Variants in MGAT4C observed in about 807,000 individuals in gnomAD.
MGAT4C encodes alpha-1,3-mannosyl-glycoprotein 4-beta-N-acetylglucosaminyltransferase C.
In MGAT4C, 19 loss-of-function variants were observed where a neutral mutation model predicts 40.1. That is an observed-to-expected ratio of 0.47 (90% CI 0.33 to 0.70). The LOEUF (loss-of-function observed/expected upper bound fraction) is 0.70. Among genes scored for constraint, MGAT4C ranks in the 30% least tolerant of loss-of-function variants. MGAT4C has a pLI of 0.02. For synonymous variants in MGAT4C, 181 were observed against 187.1 expected, an observed-to-expected ratio of 0.97 and a Z score of 0.27; for missense variants, 491 against 563.2, an observed-to-expected ratio of 0.87 and a Z score of 1.30.
chr12:86,527,831 A>C (rs1958911644), intron 2 of MGAT4C, among the ~76,000 whole-genome samples: 2 of 152,176 alleles, frequency 1.3e-5, no homozygotes, highest in African/African-American at 4.8e-5. Flanking sequence ...CTACTGATAT[A>C]GAAAGACAAA....
intron 2 of MGAT4C, among the ~76,000 whole-genome samples, chr12:86,452,268 C>G (rs1365214516): frequency 1.3e-5 from 2 of 150,394 alleles, no homozygotes; most frequent in African/African-American, 4.9e-5. Context: ...CAGGTTTGTT[C>G]CATCTGTATA....
chr12:86,288,085 T>C (rs960225912), intron 4 of MGAT4C, among the ~76,000 whole-genome samples: 1 of 152,242 alleles, frequency 6.6e-6, no homozygotes, highest in Non-Finnish European at 1.5e-5. Context: ...TTGATTTGGA[T>C]TTCTCTAATG....
intron 1 of MGAT4C, among the ~76,000 whole-genome samples, chr12:86,783,534 C>G (rs998619457): frequency 6.6e-6 from 1 of 152,088 alleles, no homozygotes; most frequent in South Asian, 2.1e-4. Flanking sequence ...TTGTTTGTCT[C>G]TCCCACTAGA....
intron 1 of MGAT4C, among the ~76,000 whole-genome samples, chr12:86,252,822 C>G (rs975661497): frequency 6.6e-6 from 1 of 151,708 alleles, no homozygotes; most frequent in Non-Finnish European, 1.5e-5. Flanking sequence ...GTAAAATAGA[C>G]AATAAAAATA....
intron 3 of MGAT4C, among the ~76,000 whole-genome samples, chr12:86,356,151 A>T (rs2136196337): frequency 6.6e-6 from 1 of 152,340 alleles, no homozygotes; most frequent in East Asian, 1.9e-4. Context: ...AGTCAAAAAA[A>T]TTTAAATGGA....
chr12:86,579,588 A>G (rs1960701207), intron 2 of MGAT4C, among the ~76,000 whole-genome samples: 2 of 151,580 alleles, frequency 1.3e-5, no homozygotes, highest in Non-Finnish European at 1.5e-5. Context: ...TTGTTTACAC[A>G]CCATAGTTAC....
chr12:86,437,394 A>C (rs1352692919), intron 2 of MGAT4C, among the ~76,000 whole-genome samples: 1 of 151,836 alleles, frequency 6.6e-6, no homozygotes, highest in Non-Finnish European at 1.5e-5. Flanking sequence ...TGTAGGAGTA[A>C]ATCAATTTTT....
intron 3 of MGAT4C, among the ~76,000 whole-genome samples, chr12:86,392,912 A>G (rs1190409049): frequency 1.3e-5 from 2 of 152,212 alleles, no homozygotes; most frequent in Non-Finnish European, 2.9e-5. Context: ...AATATGATAC[A>G]TAAATTATTG....
At chr12:86,190,076 T>G (rs1348732684) in intron 1 of MGAT4C, among the ~76,000 whole-genome samples, 2 of 152,080 alleles carry the variant, frequency 1.3e-5, no homozygotes, top group African/African-American at 2.4e-5. Context: ...TTTTCATGTC[T>G]AAATTGCAGC....
chr12:86,333,710 A>T (rs1186380683), intron 4 of MGAT4C, among the ~76,000 whole-genome samples: 1 of 152,216 alleles, frequency 6.6e-6, no homozygotes, highest in Non-Finnish European at 1.5e-5. Flanking sequence ...AGAGATTTTT[A>T]AATTATGTTA....
chr12:86,765,012 C>T (rs377386244), intron 1 of MGAT4C, among the ~76,000 whole-genome samples: 41 of 152,200 alleles, frequency 2.7e-4, no homozygotes, highest in Middle Eastern at 3.4e-3. Flanking sequence ...CAAAGCTGGA[C>T]GGAGAATGAC....
At chr12:86,351,809 G>A (rs565180242) in intron 3 of MGAT4C, among the ~76,000 whole-genome samples, 34 of 152,072 alleles carry the variant, frequency 2.2e-4, no homozygotes, top group African/African-American at 6.5e-4. Flanking sequence ...CATGGAAAAC[G>A]CATTTGATAT....
At chr12:86,389,333 T>C (rs1437400661) in intron 3 of MGAT4C, among the ~76,000 whole-genome samples, 1 of 152,170 alleles carries the variant, frequency 6.6e-6, no homozygotes, top group Non-Finnish European at 1.5e-5. Context: ...CAAAGGAAAA[T>C]GGCCTCTAGC....
chr12:86,710,034 T>C (rs1950530124), intron 2 of MGAT4C, among the ~76,000 whole-genome samples: 1 of 152,184 alleles, frequency 6.6e-6, no homozygotes, highest in Non-Finnish European at 1.5e-5. Flanking sequence ...ATGAGATCAT[T>C]ATTTTTATGA....
intron 2 of MGAT4C, among the ~76,000 whole-genome samples, chr12:86,637,678 T>G (rs1963261323): frequency 6.6e-6 from 1 of 151,936 alleles, no homozygotes; most frequent in Non-Finnish European, 1.5e-5. Flanking sequence ...CACCGAGATT[T>G]CATTTCCTAT....
intron 2 of MGAT4C, among the ~76,000 whole-genome samples, chr12:86,510,890 T>G (rs1958568470): frequency 6.6e-6 from 1 of 151,804 alleles, no homozygotes; most frequent in African/African-American, 2.4e-5. Flanking sequence ...ACATTAATAA[T>G]GGGAGACTTT....
At chr12:86,086,092 T>C (rs1443225103) in intron 1 of MGAT4C, among the ~76,000 whole-genome samples, 1 of 152,004 alleles carries the variant, frequency 6.6e-6, no homozygotes, top group Admixed American at 6.6e-5. Flanking sequence ...CATGTACAAG[T>C]ATGTTTATTG....
intron 3 of MGAT4C, among the ~76,000 whole-genome samples, chr12:86,358,443 C>T (rs181928444): frequency 6.6e-6 from 1 of 152,138 alleles, no homozygotes. Flanking sequence ...AACTGGCTAA[C>T]ATCATAATGA....
At chr12:86,669,290 C>G (rs764688159) in intron 2 of MGAT4C, among the ~76,000 whole-genome samples, 5 of 152,040 alleles carry the variant, frequency 3.3e-5, no homozygotes, top group Admixed American at 6.6e-5. Context: ...GAATGAACAG[C>G]CCCACCTTTC....
Sources: gnomAD v4.1 joint callset for allele counts (sites outside exome capture counted in the v4.1 genomes callset) on GRCh38, gnomAD v4.1.1 for gene constraint, MANE v1.5 for transcripts, NCBI Gene and HGNC (gene_info 2026-07-23, HGNC 2026-07-21) for gene names.